Variants in NOS1 observed in about 807,000 individuals in gnomAD.
The protein encoded by NOS1 is nitric oxide synthase 1.
Under a neutral mutation model 164.5 loss-of-function variants are expected in NOS1, and 51 were observed. The ratio of observed to expected loss-of-function variants is 0.31; its 90% CI spans 0.25 to 0.39. The LOEUF is 0.39. Among genes scored for constraint, NOS1 ranks in the 10% least tolerant of loss-of-function variants. The pLI is 1.00. For synonymous variants in NOS1, 719 were observed against 745.8 expected, an observed-to-expected ratio of 0.96 and a Z score of 0.59; for missense variants, 1,362 against 1,885.6, an observed-to-expected ratio of 0.72 and a Z score of 5.14.
Position 117,209,966 on chromosome 12 carries a change from T to C in NOS1, c.*5343A>G. 1.0e-6 allele frequency: 1 copy of C among 985,390 alleles called. No homozygotes were observed. The highest frequency in any genetic ancestry group is 1.2e-6 in the Non-Finnish European group (1 of 830,006). 61.0% of individuals were successfully genotyped at this position (985,390 alleles called of 1,614,324 possible). On this transcript the variant is annotated 3_prime_UTR_variant, in exon 29 of 29. Coordinates refer to ENST00000317775, the MANE Select transcript of NOS1 (RefSeq NM_000620.5). ...CCTGTGTTTCCTTAATCCCAGCACCTGGTCTTTCATTTTAATTTTTTTTAG... is the reference window on the plus strand; with the variant it reads ...CCTGTGTTTCCTTAATCCCAGCACCCGGTCTTTCATTTTAATTTTTTTTAG...
chr12:117,217,802 T>C (rs776913360), intron 28 of NOS1, among the ~76,000 whole-genome samples: 1 of 152,144 alleles, frequency 6.6e-6, no homozygotes, highest in Non-Finnish European at 1.5e-5. Context: ...CCTCCCACAC[T>C]GGACAGGGCC....
chr12:117,304,363 C>T (rs1386730262), intron 3 of NOS1, among the ~76,000 whole-genome samples: 2 of 152,160 alleles, frequency 1.3e-5, no homozygotes, highest in Non-Finnish European at 2.9e-5. Flanking sequence ...AAACCCAGAC[C>T]AGGTGTCACT....
intron 3 of NOS1, among the ~76,000 whole-genome samples, chr12:117,297,454 C>T (rs9658324): frequency 0.01 from 1,531 of 152,008 alleles, 13 homozygotes; most frequent in Non-Finnish European, 0.015. Context: ...TGCAATGGTG[C>T]GATCTCAGCT....
chr12:117,291,879 T>G lies in NOS1; in HGVS notation c.853-1453A>C, dbSNP rs1592995353. ...GGATGCTCCTGGGTTATTGTCTACCTGCCTGGGTACAGGCACACACATGCA... is the reference window on the plus strand; with the variant it reads ...GGATGCTCCTGGGTTATTGTCTACCGGCCTGGGTACAGGCACACACATGCA... On this transcript the variant is annotated intron_variant, in intron 3 of 28. Coordinates refer to ENST00000317775, the MANE Select transcript of NOS1 (RefSeq NM_000620.5). Among the ~76,000 whole-genome samples the G allele has an allele frequency of 3.9e-5, 6 of 152,136 alleles. No individual in the cohort carries two copies. The South Asian group carries it at 1.2e-3, about 32-fold the overall frequency.
intron 3 of NOS1, among the ~76,000 whole-genome samples, chr12:117,295,777 G>A (rs1231851704): frequency 5.0e-4 from 76 of 151,216 alleles, no homozygotes; most frequent in Admixed American, 4.9e-3. Flanking sequence ...GCACCACCAT[G>A]CCTGGCTAAT....
At chr12:117,317,450 C>G (rs1350415662) in intron 2 of NOS1, among the ~76,000 whole-genome samples, 4 of 148,708 alleles carry the variant, frequency 2.7e-5, no homozygotes, top group African/African-American at 1.0e-4. Flanking sequence ...CCTCTGCACA[C>G]TAGATGCCAG....
chr12:117,360,220 C>T (rs912389287), intron 1 of NOS1, among the ~76,000 whole-genome samples: 6 of 151,944 alleles, frequency 3.9e-5, no homozygotes, highest in African/African-American at 1.4e-4. Flanking sequence ...CAGCCTGATG[C>T]GGAGCTTGGA....
Position 117,214,097 on chromosome 12 carries a change from G to T in NOS1, c.*1212C>A. On this transcript the variant is annotated 3_prime_UTR_variant, in exon 29 of 29. Coordinates refer to ENST00000317775, the MANE Select transcript of NOS1 (RefSeq NM_000620.5). ...TTGTGGCTCCTATCGAAGAAGCCAC[G>T]TGGGACCTCATTATGGCAACTCTTT... 1.0e-6 allele frequency: 1 copy of T among 985,398 alleles called. No homozygotes were observed. Among genetic ancestry groups the T allele is most frequent in the Non-Finnish European group, 1.2e-6 (1 of 829,914 alleles). The allele number at this position is 985,398 out of a possible 1,614,324, so 61.0% of individuals were successfully genotyped here.
intron 3 of NOS1, among the ~76,000 whole-genome samples, chr12:117,293,693 C>A (rs866763447): frequency 6.6e-6 from 1 of 151,302 alleles, no homozygotes; most frequent in Non-Finnish European, 1.5e-5. Flanking sequence ...TGTATTATTA[C>A]TTGTATTACT....
intron 7 of NOS1, among the ~76,000 whole-genome samples, chr12:117,283,058 T>TATATATATA (rs61594331): frequency 1.0e-4 from 3 of 29,930 alleles, no homozygotes; most frequent in African/African-American, 2.4e-4. Context: ...ATATATATAT[T>TATATATATA]TTTTTTTTTT....
chr12:117,331,173 A>C lies in NOS1; in HGVS notation c.-104T>G. On this transcript the variant is annotated 5_prime_UTR_variant, in exon 2 of 29. Coordinates refer to ENST00000317775, the MANE Select transcript of NOS1 (RefSeq NM_000620.5). ...GGCTTCAGGCTACACGGAGAGCAGG[A>C]GCCGGGGTGACAGGTGCTGACAAGG... 7.0e-7 allele frequency: 1 copy of C among 1,426,176 alleles called. No individual in the cohort carries two copies. Among genetic ancestry groups the C allele is most frequent in the South Asian group, 1.4e-5 (1 of 73,994 alleles). 88.3% of individuals were successfully genotyped at this position (1,426,176 alleles called of 1,614,324 possible).
chr12:117,325,324 C>T (rs1875190925), intron 2 of NOS1, among the ~76,000 whole-genome samples: 1 of 152,214 alleles, frequency 6.6e-6, no homozygotes, highest in Non-Finnish European at 1.5e-5. Flanking sequence ...AACATTCTAG[C>T]TCTGGGATTC....
chr12:117,325,268 G>A (rs956002886), intron 2 of NOS1, among the ~76,000 whole-genome samples: 5 of 152,194 alleles, frequency 3.3e-5, no homozygotes, highest in South Asian at 2.1e-4. Context: ...TGCTCTAAGC[G>A]GCTTGAATCA....
In NOS1 at chr12:117,280,885, A is replaced by T. The variant is rs542247315; in HGVS notation, c.1383-19T>A. ...GGCAGACCTGTGGTGGAGAGAGGGGAACACCCGGCATCAGGGCGGGACTTG... is the reference window on the plus strand; with the variant it reads ...GGCAGACCTGTGGTGGAGAGAGGGGTACACCCGGCATCAGGGCGGGACTTG... On this transcript the variant is annotated intron_variant, in intron 7 of 28. Coordinates refer to ENST00000317775, the MANE Select transcript of NOS1 (RefSeq NM_000620.5). The T allele has an allele frequency of 6.2e-7, 1 of 1,612,082 alleles. No homozygotes were observed. The highest frequency in any genetic ancestry group is 1.3e-5 in the African/African-American group (1 of 74,986).
chr12:117,330,429 C>T lies in NOS1; in HGVS notation c.641G>A (p.Ser214Asn). The T allele has an allele frequency of 6.2e-7, 1 of 1,614,224 alleles. No homozygotes were observed. Among genetic ancestry groups the T allele is most frequent in the Non-Finnish European group, 8.5e-7 (1 of 1,180,048 alleles). Residue 214 changes from serine (S) to asparagine (N), a missense_variant, in exon 2 of 29, where the codon AGC (serine) becomes AAC (asparagine). By Grantham distance (46) the Ser-to-Asn change is conservative. Transcript: ENST00000317775. The surrounding 1 kb of genome is among the most constrained non-coding windows in gnomAD (Gnocchi z 4.6). ...CCCTCTGCTCCCACTGGTGAGAAGGCTCAGCACAGGCTCTATCTCCTTGAG... is the reference window on the plus strand; with the variant it reads ...CCCTCTGCTCCCACTGGTGAGAAGGTTCAGCACAGGCTCTATCTCCTTGAG... ...ELLKEIEPVL[S>N]LLTSGSRGVK...
intron 2 of NOS1, among the ~76,000 whole-genome samples, chr12:117,324,657 A>G (rs1485005094): frequency 1.3e-5 from 2 of 152,148 alleles, no homozygotes; most frequent in African/African-American, 4.8e-5. Flanking sequence ...TAGAGATGGC[A>G]GTGAGCCATC....
At chr12:117,239,754 A>G (rs1479106276) in intron 20 of NOS1, among the ~76,000 whole-genome samples, 1 of 151,998 alleles carries the variant, frequency 6.6e-6, no homozygotes, top group African/African-American at 2.4e-5. Context: ...AACGGTATTA[A>G]GCTTGAAAAT....
At chr12:117,275,357 T>C (rs771902673) in intron 9 of NOS1, among the ~76,000 whole-genome samples, 10 of 151,954 alleles carry the variant, frequency 6.6e-5, no homozygotes, top group African/African-American at 1.9e-4. Context: ...GCAACATAGA[T>C]AGAACTGGAG....
intron 9 of NOS1, among the ~76,000 whole-genome samples, chr12:117,274,606 T>C (rs948682912): frequency 9.2e-5 from 14 of 151,664 alleles, no homozygotes; most frequent in African/African-American, 2.7e-4. Flanking sequence ...CCGTCTCTAC[T>C]AAAAATACAA....
Sources: gnomAD v4.1 joint callset for allele counts (sites outside exome capture counted in the v4.1 genomes callset) on GRCh38, gnomAD v4.1.1 for gene constraint, Gnocchi (gnomAD v3.1) non-coding constraint, MANE v1.5 for transcripts, NCBI Gene and HGNC (gene_info 2026-07-23, HGNC 2026-07-21) for gene names.